Variants in MDGA2 observed in about 807,000 individuals in gnomAD.
MDGA2 encodes the protein MAM domain-containing glycosylphosphatidylinositol anchor protein 2.
In MDGA2, 40 loss-of-function variants were observed where a neutral mutation model predicts 117.8. That is an observed-to-expected ratio of 0.34 (90% CI 0.26 to 0.44). MDGA2 has a LOEUF of 0.44. MDGA2 is among the 20% of genes least tolerant of loss of function. The pLI is 1.00. For synonymous variants in MDGA2, 452 were observed against 439.0 expected (o/e 1.03, Z -0.37); for missense variants, 1,123 against 1,250.6 (o/e 0.90, Z 1.54).
intron 8 of MDGA2, among the ~76,000 whole-genome samples, chr14:46,979,574 T>C (rs901998276): frequency 6.6e-6 from 1 of 152,072 alleles, no homozygotes; most frequent in Non-Finnish European, 1.5e-5. Flanking sequence ...AACACAAAAA[T>C]GATAAAAAGG....
At position 46,945,395 on chromosome 14, in the gene MDGA2, T is replaced by A. The variant is rs141479916; in HGVS notation, c.2089+11979A>T. 1.1e-4 allele frequency among the ~76,000 whole-genome samples: 16 copies of A among 152,150 alleles called. No individual in the cohort carries two copies. The East Asian group carries it at 2.9e-3, about 28-fold the overall frequency. On this transcript the variant is annotated intron_variant, in intron 9 of 16. Transcript: ENST00000399232. ...TCAGGATGTTTAGAATTTAAGGAGG[T>A]ATAATCTACCTGATGAGCTGAAATT...
intron 3 of MDGA2, among the ~76,000 whole-genome samples, chr14:47,157,868 G>A (rs932362974): frequency 6.6e-6 from 1 of 152,034 alleles, no homozygotes; most frequent in Non-Finnish European, 1.5e-5. Context: ...GTGAAGAAGT[G>A]CCTTTAACCA....
At chr14:47,360,308 G>A (rs572485710) in intron 1 of MDGA2, among the ~76,000 whole-genome samples, 1 of 150,912 alleles carries the variant, frequency 6.6e-6, no homozygotes, top group Admixed American at 6.6e-5. Context: ...CCAAGATCGT[G>A]CCATTGCACT....
chr14:47,645,937 G>C, intron 1 of MDGA2, among the ~76,000 whole-genome samples: 1 of 151,738 alleles, frequency 6.6e-6, no homozygotes, highest in East Asian at 2.0e-4. Context: ...AAAATTAGCC[G>C]GGCGTGGTGG....
At chr14:47,468,646 T>C (rs2207538) in intron 1 of MDGA2, among the ~76,000 whole-genome samples, 86,884 of 149,982 alleles carry the variant, frequency 0.58, 25,381 homozygotes, top group East Asian at 0.64. Context: ...ACCTCATAAA[T>C]TGAATTTCTT....
chr14:47,470,249 T>C (rs1224055583), intron 1 of MDGA2, among the ~76,000 whole-genome samples: 3 of 144,038 alleles, frequency 2.1e-5, no homozygotes, highest in African/African-American at 7.7e-5. Context: ...ATTTCTCTAA[T>C]ACTATCCTTC....
intron 3 of MDGA2, among the ~76,000 whole-genome samples, chr14:47,196,013 T>C (rs1457203597): frequency 6.6e-6 from 1 of 152,078 alleles, no homozygotes; most frequent in Non-Finnish European, 1.5e-5. Context: ...CATATATATA[T>C]ATCACTAGTT....
At chr14:47,603,008 T>C in intron 1 of MDGA2, among the ~76,000 whole-genome samples, 1 of 152,094 alleles carries the variant, frequency 6.6e-6, no homozygotes, top group Middle Eastern at 3.2e-3. Context: ...TATATAGGAC[T>C]TCCAGTTGTT....
chr14:47,145,054 T>C (rs1264640598), intron 3 of MDGA2, among the ~76,000 whole-genome samples: 1 of 152,058 alleles, frequency 6.6e-6, no homozygotes, highest in African/African-American at 2.4e-5. Flanking sequence ...AAATATGATC[T>C]TGCACAGGAC....
At chr14:47,068,417 A>T (rs2416017) in intron 6 of MDGA2, among the ~76,000 whole-genome samples, 72,102 of 148,110 alleles carry the variant, frequency 0.49, 18,246 homozygotes, top group African/African-American at 0.63. Context: ...AGAAAAAAAA[A>T]ATATATATAT....
chr14:47,383,193 G>A (rs756157761), intron 1 of MDGA2, among the ~76,000 whole-genome samples: 6 of 151,998 alleles, frequency 3.9e-5, no homozygotes, highest in African/African-American at 9.7e-5. Context: ...ATCACACACC[G>A]GAGCCTGTCA....
At position 46,841,922 on chromosome 14, in the gene MDGA2, A is replaced by G. The variant is rs1391951123; in HGVS notation, c.*9T>C. On this transcript the variant is annotated 3_prime_UTR_variant, in exon 17 of 17. Coordinates refer to ENST00000399232, the MANE Select transcript of MDGA2 (RefSeq NM_001113498.3). ...TGGTGAATCTTTTATAGCCTCTGCC[A>G]GGATAAGGTCACCTTCGAGGACTTA... 6 of 1,588,294 alleles carry G rather than the reference A, an allele frequency of 3.8e-6. No homozygotes were observed. The highest frequency in any genetic ancestry group is 5.2e-6 in the Non-Finnish European group (6 of 1,161,006).
At chr14:47,113,145 T>C (rs8006750) in intron 5 of MDGA2, among the ~76,000 whole-genome samples, 81,869 of 151,870 alleles carry the variant, frequency 0.54, 22,365 homozygotes, top group African/African-American at 0.65. Flanking sequence ...ATCCACTGAC[T>C]CCACAGAAAT....
chr14:46,905,664 G>A (rs1164935874), intron 10 of MDGA2, among the ~76,000 whole-genome samples: 1 of 151,968 alleles, frequency 6.6e-6, no homozygotes, highest in East Asian at 1.9e-4. Flanking sequence ...GATGCTTTGA[G>A]CATCAATATG....
chr14:47,432,586 T>A (rs989842304), intron 1 of MDGA2, among the ~76,000 whole-genome samples: 9 of 152,060 alleles, frequency 5.9e-5, no homozygotes, highest in Admixed American at 2.0e-4. Flanking sequence ...TTTTCACTTA[T>A]ATGAACAAAG....
chr14:47,154,675 T>C (rs1883298147), intron 3 of MDGA2, among the ~76,000 whole-genome samples: 1 of 152,158 alleles, frequency 6.6e-6, no homozygotes, highest in African/African-American at 2.4e-5. Flanking sequence ...CACACCAGCC[T>C]CTTACTACCT....
chr14:46,901,990 C>G (rs1225859655), intron 10 of MDGA2, among the ~76,000 whole-genome samples: 1 of 152,172 alleles, frequency 6.6e-6, no homozygotes, highest in Non-Finnish European at 1.5e-5. Flanking sequence ...CCAGATGCCA[C>G]TAGGTTTAAG....
At position 47,667,671 on chromosome 14, in the gene MDGA2, C is replaced by A. The variant is rs527276459; in HGVS notation, c.280+6846G>T. On this transcript the variant is annotated intron_variant, in intron 1 of 16. Transcript: ENST00000399232. ...GCCTTTACTTCCTACTCACCTCCTT[C>A]AGATCTCAGCTGTCTTTTGTGCTGT... 7.2e-5 allele frequency among the ~76,000 whole-genome samples: 11 copies of A among 152,326 alleles called. No homozygotes were observed. In the South Asian group the frequency reaches 2.3e-3, roughly 32 times the overall value.
intron 2 of MDGA2, among the ~76,000 whole-genome samples, chr14:47,279,588 A>T (rs1369540687): frequency 1.3e-5 from 2 of 152,152 alleles, no homozygotes; most frequent in East Asian, 3.9e-4. Context: ...GTATTCAAAC[A>T]TACTAGTTAT....
Sources: gnomAD v4.1 joint callset for allele counts (sites outside exome capture counted in the v4.1 genomes callset) on GRCh38, gnomAD v4.1.1 for gene constraint, MANE v1.5 for transcripts, NCBI Gene and HGNC (gene_info 2026-07-23, HGNC 2026-07-21) for gene names.